Variants in MICU3 observed in about 807,000 individuals in gnomAD.
MICU3 encodes calcium uptake protein 3, mitochondrial.
Under a neutral mutation model 66.5 loss-of-function variants are expected in MICU3, and 62 were observed. The ratio of observed to expected loss-of-function variants is 0.93; its 90% CI spans 0.76 to 1.15. The LOEUF (loss-of-function observed/expected upper bound fraction) is 1.15. Among genes scored for constraint, MICU3 ranks in the 50% most tolerant of loss-of-function variants. The pLI is 0.00. For missense variants in MICU3, 779 were observed against 664.4 expected, an observed-to-expected ratio of 1.17 and a Z score of -1.90; for synonymous variants, 308 against 240.7, an observed-to-expected ratio of 1.28 and a Z score of -2.59.
the MICU3 span, among the ~76,000 whole-genome samples, chr8:17,129,606 A>G: frequency 0.012 from 1,822 of 152,318 alleles, 40 homozygotes; most frequent in African/African-American, 0.041. Flanking sequence ...CTGATGCACA[A>G]AAGAAAAAAC....
chr8:17,044,168 G>A (rs1326618970), intron 1 of MICU3, among the ~76,000 whole-genome samples: 1 of 152,194 alleles, frequency 6.6e-6, no homozygotes, highest in Non-Finnish European at 1.5e-5. Context: ...CGTAGATTGG[G>A]TTGAACATTG....
chr8:17,114,160 C>A lies in MICU3; in HGVS notation c.1325C>A (p.Ala442Asp), dbSNP rs1356016244. ...AACAACCTAGAAGACTTTGCAATAGCCCTGAATATGTATAACTTTGCAAGT... is the reference window on the plus strand; with the variant it reads ...AACAACCTAGAAGACTTTGCAATAGACCTGAATATGTATAACTTTGCAAGT... The part of the protein sequence containing the change: ...FLNNLEDFAI[A>D]LNMYNFASRS... The change falls in exon 12 of 15, where the codon GCC (alanine) becomes GAC (aspartate). Residue 442 changes from alanine to aspartate, a missense_variant. Transcript: ENST00000318063. The A allele has an allele frequency of 6.2e-7, 1 of 1,611,882 alleles. No homozygotes were observed. The highest frequency in any genetic ancestry group is 8.5e-7 in the Non-Finnish European group (1 of 1,178,844).
intron 1 of MICU3, among the ~76,000 whole-genome samples, chr8:17,051,322 T>C (rs1816041003): frequency 6.6e-6 from 1 of 152,192 alleles, no homozygotes; most frequent in Admixed American, 6.5e-5. Flanking sequence ...CAGCAAATAG[T>C]TGAGAGCCTG....
At chr8:17,061,352 A>G (rs963120956) in intron 1 of MICU3, among the ~76,000 whole-genome samples, 6 of 152,122 alleles carry the variant, frequency 3.9e-5, no homozygotes, top group Non-Finnish European at 8.8e-5. Flanking sequence ...AAGTTTGATG[A>G]AAAAACAGGC....
intron 1 of MICU3, among the ~76,000 whole-genome samples, chr8:17,036,289 T>G (rs1045457768): frequency 3.3e-5 from 5 of 151,790 alleles, no homozygotes; most frequent in East Asian, 1.9e-4. Flanking sequence ...AGATCTTCGC[T>G]GTGAGTGTTA....
chr8:17,106,592 G>A (rs1175710703), intron 11 of MICU3, among the ~76,000 whole-genome samples: 1 of 143,674 alleles, frequency 7.0e-6, no homozygotes, highest in African/African-American at 2.6e-5. Flanking sequence ...ATTAAAATCT[G>A]TAACTTAAAA....
At chr8:17,095,677 A>G (rs1800602057) in intron 8 of MICU3, among the ~76,000 whole-genome samples, 1 of 151,828 alleles carries the variant, frequency 6.6e-6, no homozygotes, top group African/African-American at 2.4e-5. Flanking sequence ...GCACAGTGAT[A>G]TATTAACCAT....
chr8:17,116,740 CCTTA>C (rs1802720947), intron 13 of MICU3, 140 bp downstream of exon 13: 2 of 567,768 alleles, frequency 3.5e-6, no homozygotes, highest in South Asian at 7.1e-5. Flanking sequence ...AAAACATAGG[CCTTA>C]CTTCCCTTAA....
At chr8:17,063,636 GC>G (rs1251805674) in intron 1 of MICU3, among the ~76,000 whole-genome samples, 1 of 150,758 alleles carries the variant, frequency 6.6e-6, no homozygotes, top group Non-Finnish European at 1.5e-5. Context: ...GTTATAAGTA[GC>G]CTATTGGGAT....
At chr8:17,036,800 C>A (rs1263020495) in intron 1 of MICU3, among the ~76,000 whole-genome samples, 1 of 152,234 alleles carries the variant, frequency 6.6e-6, no homozygotes, top group Non-Finnish European at 1.5e-5. Flanking sequence ...ACCTGCCAGT[C>A]CCGCGCCGTG....
At chr8:17,092,716 C>T (rs1443420328) in intron 8 of MICU3, among the ~76,000 whole-genome samples, 1 of 151,928 alleles carries the variant, frequency 6.6e-6, no homozygotes, top group Non-Finnish European at 1.5e-5. Flanking sequence ...AAGGGACATT[C>T]ATTTACAATT....
chr8:17,088,610 T>G (rs1799721534), intron 7 of MICU3, among the ~76,000 whole-genome samples: 1 of 151,934 alleles, frequency 6.6e-6, no homozygotes, highest in South Asian at 2.1e-4. Flanking sequence ...AGTATTTCAG[T>G]GGATATAAAT....
At chr8:17,108,458 C>T (rs1801921594) in intron 11 of MICU3, among the ~76,000 whole-genome samples, 1 of 152,184 alleles carries the variant, frequency 6.6e-6, no homozygotes, top group Non-Finnish European at 1.5e-5. Context: ...AACTCCTGGT[C>T]ATTCCATAAC....
chr8:17,083,725 C>T (rs993372563), intron 5 of MICU3, among the ~76,000 whole-genome samples: 1 of 152,022 alleles, frequency 6.6e-6, no homozygotes, highest in Non-Finnish European at 1.5e-5. Context: ...TCTGCAAAGC[C>T]ATAGTAATGA....
intron 1 of MICU3, among the ~76,000 whole-genome samples, chr8:17,030,421 C>T (rs956169631): frequency 6.6e-6 from 1 of 152,188 alleles, no homozygotes; most frequent in Non-Finnish European, 1.5e-5. Context: ...AGCTCTTTTT[C>T]TCTGATGCTG....
At position 17,027,615 on chromosome 8, in the gene MICU3, C is replaced by T; in HGVS notation, c.336C>T (p.Arg112=). The T allele has an allele frequency of 7.6e-7, 1 of 1,309,070 alleles. No homozygotes were observed. The highest frequency in any genetic ancestry group is 2.3e-5 in the South Asian group (1 of 43,952). The allele number at this position is 1,309,070 out of a possible 1,614,324, so 81.1% of individuals were successfully genotyped here. The change falls in exon 1 of 15, where the codon CGC becomes CGT. Residue 112 remains arginine (R), a synonymous_variant. Transcript: ENST00000318063. ...CCACGGAGCCCGAGGACCCGCCCCGCGGCCGGGGGATGCTGCCCATCCCAG... is the reference window on the plus strand; with the variant it reads ...CCACGGAGCCCGAGGACCCGCCCCGTGGCCGGGGGATGCTGCCCATCCCAG... ...SAATEPEDPP[R]GRGMLPIPVA...
Position 17,118,635 on chromosome 8 carries a change from T to A in MICU3, c.1525-72T>A, listed in dbSNP as rs906026237. 5.1e-6 allele frequency: 5 copies of A among 982,600 alleles called. No individual in the cohort carries two copies. The East Asian group carries it at 1.3e-4, about 25-fold the overall frequency. 60.9% of individuals were successfully genotyped at this position (982,600 alleles called of 1,614,324 possible). On this transcript the variant is annotated intron_variant, in intron 13 of 14. Transcript: ENST00000318063. ...CTTCTATGAGTTTGACTTTTTAGAT[T>A]CCACATGTAAGTGAAATCACGCTGT...
chr8:17,062,125 A>G lies in MICU3; in HGVS notation c.382-1959A>G, dbSNP rs895404936. ...CATTAGCTCACCATCCTTTTACTAC[A>G]CTTCTCCATGAATATGAATCCTCTG... On this transcript the variant is annotated intron_variant, in intron 1 of 14. Transcript: ENST00000318063. 9.9e-5 allele frequency among the ~76,000 whole-genome samples: 15 copies of G among 152,082 alleles called. 1 individual carries two copies. The highest frequency in any genetic ancestry group is 3.4e-4 in the African/African-American group (14 of 41,412).
intron 5 of MICU3, among the ~76,000 whole-genome samples, chr8:17,082,297 G>T (rs988700772): frequency 2.0e-5 from 3 of 151,984 alleles, no homozygotes; most frequent in South Asian, 2.1e-4. Context: ...TTGAATTGCC[G>T]CCTCAGGGAT....
Sources: allele counts gnomAD v4.1 joint callset (sites outside exome capture counted in the v4.1 genomes callset), GRCh38; gene constraint gnomAD v4.1.1; transcripts MANE v1.5; gene names NCBI Gene and HGNC (gene_info 2026-07-23, HGNC 2026-07-21).